The following GRB14 variants were observed in gnomAD, a reference collection of about 807,000 sequenced individuals.
The protein encoded by GRB14 is growth factor receptor bound protein 14.
A neutral mutation model predicts 69.1 loss-of-function variants in GRB14; 38 were observed. That is an observed-to-expected ratio of 0.55 (90% CI 0.42 to 0.72). The LOEUF (loss-of-function observed/expected upper bound fraction) is 0.72. Among genes scored for constraint, GRB14 ranks in the 30% least tolerant of loss-of-function variants. The probability of loss-of-function intolerance (pLI) is 0.00; values close to 1 mark genes in which losing one functional copy is unlikely to be tolerated. For missense variants in GRB14, 666 were observed against 666.1 expected, an observed-to-expected ratio of 1.00 and a Z score of 0.00; for synonymous variants, 247 against 241.3, an observed-to-expected ratio of 1.02 and a Z score of -0.22.
intron 3 of GRB14, among the ~76,000 whole-genome samples, chr2:164,541,510 G>T (rs1574288982): frequency 6.6e-6 from 1 of 151,534 alleles, no homozygotes; most frequent in East Asian, 1.9e-4. Flanking sequence ...AATAATAACA[G>T]AGGCTGAGGC....
rs6710827 is a variant in GRB14, at chr2:164,529,800, G to C, written c.482-2665C>G. Among the ~76,000 whole-genome samples, 451 of 152,298 alleles carry C rather than the reference G, an allele frequency of 3.0e-3. 1 individual carries two copies. Among genetic ancestry groups the C allele is most frequent in the African/African-American group, 0.011 (438 of 41,580 alleles). On this transcript the variant is annotated intron_variant, in intron 3 of 13. Coordinates refer to ENST00000263915, the MANE Select transcript of GRB14 (RefSeq NM_004490.3). ...AGCAAACCTCCTAAAACATGTGTAT[G>C]AATGTGAACCCTGCCCAAAAAGCTT...
intron 2 of GRB14, among the ~76,000 whole-genome samples, chr2:164,573,550 C>G (rs1689169214): frequency 6.6e-6 from 1 of 152,106 alleles, no homozygotes; most frequent in Non-Finnish European, 1.5e-5. Flanking sequence ...TCCAATTCTT[C>G]AAAATTTATA....
intron 2 of GRB14, among the ~76,000 whole-genome samples, chr2:164,605,283 C>T (rs1690016821): frequency 6.6e-6 from 1 of 152,102 alleles, no homozygotes; most frequent in Non-Finnish European, 1.5e-5. Context: ...GCTAAGATAT[C>T]TTATTTTCTA....
intron 6 of GRB14, among the ~76,000 whole-genome samples, chr2:164,510,906 T>C (rs568327865): frequency 2.0e-5 from 3 of 152,142 alleles, no homozygotes; most frequent in Non-Finnish European, 4.4e-5. Flanking sequence ...GTACCTCCCC[T>C]CGCCTGTTCC....
At chr2:164,620,582 C>G (rs1690432570) in intron 1 of GRB14, among the ~76,000 whole-genome samples, 1 of 152,098 alleles carries the variant, frequency 6.6e-6, no homozygotes, top group Middle Eastern at 3.4e-3. Flanking sequence ...TTGCTGTAAC[C>G]CTTTTTCTTT....
intron 3 of GRB14, among the ~76,000 whole-genome samples, chr2:164,537,815 A>T (rs1336643341): frequency 1.3e-5 from 2 of 152,162 alleles, no homozygotes; most frequent in Non-Finnish European, 2.9e-5. Flanking sequence ...CTGAAAGCCC[A>T]GAGGGTCAGG....
At chr2:164,534,088 G>A (rs1302908899) in intron 3 of GRB14, among the ~76,000 whole-genome samples, 3 of 151,834 alleles carry the variant, frequency 2.0e-5, no homozygotes, top group African/African-American at 4.8e-5. Context: ...CCATTCCTTC[G>A]AAAAAAGATT....
At chr2:164,558,818 G>A (rs1229031050) in intron 2 of GRB14, among the ~76,000 whole-genome samples, 4 of 152,308 alleles carry the variant, frequency 2.6e-5, no homozygotes, top group African/African-American at 7.2e-5. Context: ...GGCAGAGGTG[G>A]AATAAGTGTT....
At chr2:164,559,046 G>A (rs909156964) in intron 2 of GRB14, among the ~76,000 whole-genome samples, 4 of 151,946 alleles carry the variant, frequency 2.6e-5, no homozygotes, top group African/African-American at 9.7e-5. Context: ...AGTTTTATTG[G>A]AAGTATATAA....
intron 2 of GRB14, among the ~76,000 whole-genome samples, chr2:164,566,750 T>TC (rs1688985461): frequency 6.6e-6 from 1 of 152,100 alleles, no homozygotes; most frequent in Non-Finnish European, 1.5e-5. Flanking sequence ...AATTTACATA[T>TC]TTTACTATAA....
Position 164,566,619 on chromosome 2 carries a change from G to C in GRB14, c.325-18803C>G, listed in dbSNP as rs977484749. Among the ~76,000 whole-genome samples the C allele has an allele frequency of 2.6e-5, 4 of 152,226 alleles. No homozygotes were observed. In the South Asian group the frequency reaches 8.3e-4, roughly 32 times the overall value. Reference sequence around the variant, plus strand: ...TTTTCCTACTTGGCAAACAGTGCTAGAAGTTATTTTTCTAGCCAAGTTTTC... The same window carrying C: ...TTTTCCTACTTGGCAAACAGTGCTACAAGTTATTTTTCTAGCCAAGTTTTC... On this transcript the variant is annotated intron_variant, in intron 2 of 13. Coordinates refer to ENST00000263915, the MANE Select transcript of GRB14 (RefSeq NM_004490.3).
chr2:164,582,276 A>T (rs1689426034), intron 2 of GRB14, among the ~76,000 whole-genome samples: 1 of 152,174 alleles, frequency 6.6e-6, no homozygotes, highest in South Asian at 2.1e-4. Flanking sequence ...TGCATAAACC[A>T]GAAATCTGGG....
chr2:164,588,616 TGC>T (rs1435922883), intron 2 of GRB14, among the ~76,000 whole-genome samples: 1 of 152,180 alleles, frequency 6.6e-6, no homozygotes, highest in Non-Finnish European at 1.5e-5. Context: ...TTAACAAATA[TGC>T]CAGGACATAT....
At chr2:164,574,854 G>A (rs1689215480) in intron 2 of GRB14, among the ~76,000 whole-genome samples, 1 of 151,962 alleles carries the variant, frequency 6.6e-6, no homozygotes, top group East Asian at 1.9e-4. Context: ...TAAGCCAGGA[G>A]GATTGCTTGA....
intron 6 of GRB14, among the ~76,000 whole-genome samples, chr2:164,515,007 C>T (rs1434543724): frequency 5.3e-5 from 8 of 152,170 alleles, no homozygotes; most frequent in Admixed American, 4.6e-4. Flanking sequence ...GAACATAACT[C>T]CATTGGCCTG....
intron 8 of GRB14, among the ~76,000 whole-genome samples, chr2:164,503,169 T>TAAAAAAA (rs3086552): frequency 3.2e-5 from 4 of 126,592 alleles, no homozygotes; most frequent in East Asian, 4.6e-4. Context: ...GCTACTTTGT[T>TAAAAAAA]AAAAAAAAAA....
chr2:164,552,016 G>A (rs1688552933), intron 2 of GRB14, among the ~76,000 whole-genome samples: 2 of 152,210 alleles, frequency 1.3e-5, no homozygotes, highest in African/African-American at 4.8e-5. Context: ...CACATGGCAA[G>A]AGAGAAAGCA....
At chr2:164,577,063 T>C (rs949648279) in intron 2 of GRB14, among the ~76,000 whole-genome samples, 8 of 152,184 alleles carry the variant, frequency 5.3e-5, no homozygotes, top group African/African-American at 1.9e-4. Context: ...TTTATACAAA[T>C]TGACTCCATA....
intron 2 of GRB14, among the ~76,000 whole-genome samples, chr2:164,617,966 G>GGC (rs1171037447): frequency 7.3e-6 from 1 of 137,260 alleles, no homozygotes; most frequent in Non-Finnish European, 1.6e-5. Context: ...TTTTGGGGGG[G>GGC]GGGGGGTAGT....
Sources: gnomAD v4.1 joint callset for allele counts (sites outside exome capture counted in the v4.1 genomes callset) on GRCh38, gnomAD v4.1.1 for gene constraint, MANE v1.5 for transcripts, NCBI Gene and HGNC (gene_info 2026-07-23, HGNC 2026-07-21) for gene names.